Variants in COL7A1 observed in about 807,000 individuals in gnomAD.
The protein encoded by COL7A1 is collagen alpha-1(VII) chain.
In COL7A1, 296 loss-of-function variants were observed where a neutral mutation model predicts 456.2. The ratio of observed to expected loss-of-function variants is 0.65; its 90% CI spans 0.59 to 0.71. The LOEUF (loss-of-function observed/expected upper bound fraction) is 0.71. Ranked by LOEUF, COL7A1 falls within the 30% of genes least tolerant of loss-of-function variation. The pLI, the probability that COL7A1 is intolerant of heterozygous loss-of-function variation, is 0.00. For missense variants in COL7A1, 3,441 were observed against 4,017.2 expected, an observed-to-expected ratio of 0.86 and a Z score of 3.88; for synonymous variants, 1,464 against 1,525.9, an observed-to-expected ratio of 0.96 and a Z score of 0.95.
rs750445747 is a variant in COL7A1 at position 48,575,258 on chromosome 3, C to T, written c.6181-16G>A. 1.2e-5 allele frequency: 20 copies of T among 1,613,814 alleles called. No individual in the cohort carries two copies. Among genetic ancestry groups the T allele is most frequent in the East Asian group, 2.2e-5 (1 of 44,890 alleles). On this transcript the variant is annotated splice_polypyrimidine_tract_variant and intron_variant, in intron 74 of 118. Coordinates refer to ENST00000681320, the MANE Select transcript of COL7A1 (RefSeq NM_000094.4). The surrounding 1 kb of genome is among the most constrained non-coding windows in gnomAD (Gnocchi z 6.3). Reference sequence around the variant, plus strand: ...CCCGTTCTCCCTGAAATGCAAATAGCGGGTGAGGGCCAAGCCCATGGGGGG... The same window carrying T: ...CCCGTTCTCCCTGAAATGCAAATAGTGGGTGAGGGCCAAGCCCATGGGGGG...
rs980595912 is a variant in COL7A1 at position 48,590,990 on chromosome 3, T to C, written c.1637-174A>G. Among the ~76,000 whole-genome samples the C allele has an allele frequency of 7.9e-5, 12 of 151,446 alleles. No homozygotes were observed. The highest frequency in any genetic ancestry group is 1.8e-4 in the Non-Finnish European group (12 of 67,896). The stretch of plus-strand genomic sequence containing the variant: ...AAAAAGTGAGTGCAAGACAAGGACA[T>C]AGGATGAAAGGGGCCAGTGATGGTC... On this transcript the variant is annotated intron_variant, in intron 13 of 118. Coordinates refer to ENST00000681320, the MANE Select transcript of COL7A1 (RefSeq NM_000094.4). The surrounding 1 kb of genome is among the most constrained non-coding windows in gnomAD (Gnocchi z 4.6).
Position 48,567,279 on chromosome 3 carries a change from A to C in COL7A1, c.8047-89T>G. ...GAACTCCCATGAGCTCCCTGGCCTA[A>C]TGCCCAAACCTTCTGTAACCCAAGC... is the stretch of plus-strand genomic sequence containing the variant. On this transcript the variant is annotated intron_variant, in intron 109 of 118. Coordinates refer to ENST00000681320, the MANE Select transcript of COL7A1 (RefSeq NM_000094.4). This position sits in a 1 kb window ranked among gnomAD's most constrained non-coding sequence, Gnocchi z 4.3. The C allele has an allele frequency of 6.6e-7, 1 of 1,523,434 alleles. No homozygotes were observed. The highest frequency in any genetic ancestry group is 9.0e-7 in the Non-Finnish European group (1 of 1,106,024). The allele number at this position is 1,523,434 out of a possible 1,614,324, so 94.4% of individuals were successfully genotyped here.
Position 48,579,079 on chromosome 3 carries a change from C to A in COL7A1, c.5388+118G>T. ...GCAGGGCTCTGGGAGAAGACACAGA[C>A]AACAGGTCTCGCCCCAGAGCTCGTC... On this transcript the variant is annotated intron_variant, in intron 62 of 118. Transcript: ENST00000681320. This position sits in a 1 kb window ranked among gnomAD's most constrained non-coding sequence, Gnocchi z 4.4. 1.3e-6 allele frequency: 2 copies of A among 1,552,570 alleles called. No homozygotes were observed. The highest frequency in any genetic ancestry group is 1.8e-6 in the Non-Finnish European group (2 of 1,126,436).
At position 48,573,729 on chromosome 3, in the gene COL7A1, T is replaced by G; in HGVS notation, c.6538-4A>C. ...GTCCAGGGTCTCCATGACCACCCTG[T>G]TGTGGCGAAAAAGAGTCTGATGAGG... On this transcript the variant is annotated splice_polypyrimidine_tract_variant and splice_region_variant and intron_variant, in intron 81 of 118. Transcript: ENST00000681320. This position sits in a 1 kb window ranked among gnomAD's most constrained non-coding sequence, Gnocchi z 5.5. The G allele has an allele frequency of 6.2e-7, 1 of 1,613,390 alleles. No individual in the cohort carries two copies. The highest frequency in any genetic ancestry group is 2.2e-5 in the East Asian group (1 of 44,882).
chr3:48,584,815 T>G, intron 34 of COL7A1, 46 bp from the exon 35 acceptor site: 1 of 1,613,830 alleles, frequency 6.2e-7, no homozygotes, highest in Non-Finnish European at 8.5e-7. Context: ...CTCAGGCGAA[T>G]GTCAACGTGG....
rs752563213 is a variant in COL7A1 at position 48,592,937 on chromosome 3, C to A, written c.684G>T (p.Pro228=). The change falls in exon 7 of 119, where the codon CCG becomes CCT. Residue 228 remains proline, a splice_region_variant and synonymous_variant. Transcript: ENST00000681320. This position sits in a 1 kb window ranked among gnomAD's most constrained non-coding sequence, Gnocchi z 7.6. The stretch of plus-strand genomic sequence containing the variant: ...CTCGTGGAGCAGAGGTCGAGTCATC[C>A]GCTGGGAATGCGGGATCAGGGGATC... ...TAGGVPVTRP[P]DDSTSAPRDL... The A allele has an allele frequency of 2.0e-5, 33 of 1,613,520 alleles. No individual in the cohort carries two copies. The highest frequency in any genetic ancestry group is 2.8e-5 in the Non-Finnish European group (33 of 1,179,944).
Position 48,582,531 on chromosome 3 carries a change from G to T in COL7A1, c.4564-18C>A, listed in dbSNP as rs1459983267. 1.9e-6 allele frequency: 3 copies of T among 1,614,034 alleles called. No homozygotes were observed. The highest frequency in any genetic ancestry group is 2.5e-6 in the Non-Finnish European group (3 of 1,180,020). ...GGTGGCCCCTGAATGTAGAGAAAGT[G>T]TGAGCCCAGGAGGGGAAGGGAAAGG... On this transcript the variant is annotated intron_variant, in intron 45 of 118. Transcript: ENST00000681320.
rs146659822 is a variant in COL7A1 at position 48,584,049 on chromosome 3, C to T, written c.4210G>A (p.Asp1404Asn). ...PGTAMKGDKG[D>N]RGERGPPGPG... Reference sequence around the variant, plus strand: ...CCCTCACTTACCCGCTCCCCACGATCGCCTTTGTCACCCTAGAAAACAGAT... The same window carrying T: ...CCCTCACTTACCCGCTCCCCACGATTGCCTTTGTCACCCTAGAAAACAGAT... The change falls in exon 38 of 119, where the codon GAT (aspartate) becomes AAT (asparagine). Residue 1404 changes from aspartate to asparagine, a missense_variant. Physicochemically the swap from Asp to Asn is conservative, Grantham distance 23. Around this residue, in one of 3 missense-constraint regions of COL7A1, gnomAD observed 2,084 missense variants for 2,501.3 expected, o/e 0.83. Coordinates refer to ENST00000681320, the MANE Select transcript of COL7A1 (RefSeq NM_000094.4). 47 of 1,614,048 alleles carry T rather than the reference C, an allele frequency of 2.9e-5. No homozygotes were observed. The highest frequency in any genetic ancestry group is 1.6e-4 in the Middle Eastern group (1 of 6,084).
At position 48,578,290 on chromosome 3, in the gene COL7A1, G is replaced by A. The variant is rs200821820; in HGVS notation, c.5532+31C>T. ...TAGGTGTGCTGGCGTTTCTTGGCAG[G>A]TTTCGCCGCAGCTGCCCTGGACACA... is the stretch of plus-strand genomic sequence containing the variant. On this transcript the variant is annotated intron_variant, in intron 65 of 118. Coordinates refer to ENST00000681320, the MANE Select transcript of COL7A1 (RefSeq NM_000094.4). The surrounding 1 kb of genome is among the most constrained non-coding windows in gnomAD (Gnocchi z 4.7). 14 of 1,612,106 alleles carry A rather than the reference G, an allele frequency of 8.7e-6. No homozygotes were observed. Among genetic ancestry groups the A allele is most frequent in the Non-Finnish European group, 1.2e-5 (14 of 1,179,962 alleles).
Position 48,573,673 on chromosome 3 carries a change from G to A in COL7A1, c.6573+17C>T, listed in dbSNP as rs2044086329. On this transcript the variant is annotated intron_variant, in intron 82 of 118. Coordinates refer to ENST00000681320, the MANE Select transcript of COL7A1 (RefSeq NM_000094.4). The surrounding 1 kb of genome is among the most constrained non-coding windows in gnomAD (Gnocchi z 5.5). ...CCCTTCCAGACCCTCACCAGGCAGT[G>A]TTCCCTGGTCACTCACCGGGGCACC... is the stretch of plus-strand genomic sequence containing the variant. 2 of 1,612,738 alleles carry A rather than the reference G, an allele frequency of 1.2e-6. No homozygotes were observed. The highest frequency in any genetic ancestry group is 1.7e-6 in the Non-Finnish European group (2 of 1,179,354).
chr3:48,565,333 G>A lies in COL7A1; in HGVS notation c.8527+77C>T. On this transcript the variant is annotated intron_variant, in intron 116 of 118. Coordinates refer to ENST00000681320, the MANE Select transcript of COL7A1 (RefSeq NM_000094.4). This position sits in a 1 kb window ranked among gnomAD's most constrained non-coding sequence, Gnocchi z 4.5. The stretch of plus-strand genomic sequence containing the variant: ...CATGCAGACCCTACGTGCTTGGCGT[G>A]TGCCCTGCATTCATGGACACCCATG... 6.6e-7 allele frequency: 1 copy of A among 1,519,378 alleles called. No homozygotes were observed. The highest frequency in any genetic ancestry group is 1.2e-5 in the South Asian group (1 of 85,216). The allele number at this position is 1,519,378 out of a possible 1,614,324, so 94.1% of individuals were successfully genotyped here. A position where few individuals can be genotyped will look rare whatever the true frequency, so the allele number is the denominator to read the frequency against.
Position 48,587,993 on chromosome 3 carries a change from G to A in COL7A1, c.2711-54C>T. ...GAGCATGTGGGATAGTGACACCTGGGGGCATTAAAGGGCCTGCCCACTTCA... is the reference window on the plus strand; with the variant it reads ...GAGCATGTGGGATAGTGACACCTGGAGGCATTAAAGGGCCTGCCCACTTCA... On this transcript the variant is annotated intron_variant, in intron 21 of 118. Coordinates refer to ENST00000681320, the MANE Select transcript of COL7A1 (RefSeq NM_000094.4). This position sits in a 1 kb window ranked among gnomAD's most constrained non-coding sequence, Gnocchi z 6.1. 3 of 1,530,846 alleles carry A rather than the reference G, an allele frequency of 2.0e-6. No homozygotes were observed. Among genetic ancestry groups the A allele is most frequent in the Non-Finnish European group, 2.7e-6 (3 of 1,131,926 alleles). 94.8% of individuals were successfully genotyped at this position (1,530,846 alleles called of 1,614,324 possible).
chr3:48,591,738 C>A lies in COL7A1; in HGVS notation c.1442G>T (p.Arg481Leu). 6.2e-7 allele frequency: 1 copy of A among 1,614,100 alleles called. No individual in the cohort carries two copies. Among genetic ancestry groups the A allele is most frequent in the South Asian group, 1.1e-5 (1 of 91,084 alleles). ...CTCCAGCAGAGTGTAGAGTGTGAGG[C>A]GGTACTCAGTGCCCGGCTGCAGCCC... ...LDGLQPGTEY[R>L]LTLYTLLEGH... The change falls in exon 12 of 119, where the codon CGC becomes CTC. Residue 481 changes from arginine (R) to leucine (L), a missense_variant. Physicochemically the swap from Arg to Leu is moderately radical, Grantham distance 102. Coordinates refer to ENST00000681320, the MANE Select transcript of COL7A1 (RefSeq NM_000094.4). The surrounding 1 kb of genome is among the most constrained non-coding windows in gnomAD (Gnocchi z 7.0).
In COL7A1 at chr3:48,594,582, G is replaced by A; in HGVS notation, c.86-34C>T. ...GGCAGGAGAGATCAGGGCCTCTTCT[G>A]GGAGGCCAACCACCCGCCTACCCGC... is the stretch of plus-strand genomic sequence containing the variant. On this transcript the variant is annotated intron_variant, in intron 2 of 118. Coordinates refer to ENST00000681320, the MANE Select transcript of COL7A1 (RefSeq NM_000094.4). This position sits in a 1 kb window ranked among gnomAD's most constrained non-coding sequence, Gnocchi z 5.5. The A allele has an allele frequency of 6.5e-7, 1 of 1,548,352 alleles. No homozygotes were observed. The highest frequency in any genetic ancestry group is 8.7e-7 in the Non-Finnish European group (1 of 1,149,686).
At position 48,574,649 on chromosome 3, in the gene COL7A1, T is replaced by C; in HGVS notation, c.6393+28A>G. 1.2e-6 allele frequency: 2 copies of C among 1,613,902 alleles called. No individual in the cohort carries two copies. Among genetic ancestry groups the C allele is most frequent in the Non-Finnish European group, 8.5e-7 (1 of 1,179,982 alleles). On this transcript the variant is annotated intron_variant, in intron 78 of 118. Transcript: ENST00000681320. This position sits in a 1 kb window ranked among gnomAD's most constrained non-coding sequence, Gnocchi z 5.0. ...GTGTGCCCCCAGAAAGGAGGGGGACTCTATGGAAGGGTGGAGAGAGGCCTC... is the reference window on the plus strand; with the variant it reads ...GTGTGCCCCCAGAAAGGAGGGGGACCCTATGGAAGGGTGGAGAGAGGCCTC...
In COL7A1 at chr3:48,586,825, G is replaced by T. The variant is rs2045299153; in HGVS notation, c.3277-136C>A. 2 of 1,504,516 alleles carry T rather than the reference G, an allele frequency of 1.3e-6. No homozygotes were observed. Among genetic ancestry groups the T allele is most frequent in the Admixed American group, 4.0e-5 (2 of 50,490 alleles). 93.2% of individuals were successfully genotyped at this position (1,504,516 alleles called of 1,614,324 possible). A position where few individuals can be genotyped will look rare whatever the true frequency, so the allele number is the denominator to read the frequency against. ...GGAGTCAGCAGTGATGGCAGGATAGGGAGCCAGGCAGTAGGTGAGGTCTGG... is the reference window on the plus strand; with the variant it reads ...GGAGTCAGCAGTGATGGCAGGATAGTGAGCCAGGCAGTAGGTGAGGTCTGG... On this transcript the variant is annotated intron_variant, in intron 25 of 118. Coordinates refer to ENST00000681320, the MANE Select transcript of COL7A1 (RefSeq NM_000094.4). This position sits in a 1 kb window ranked among gnomAD's most constrained non-coding sequence, Gnocchi z 5.1.
In COL7A1 at chr3:48,581,529, C is replaced by A. The variant is rs947065516; in HGVS notation, c.4782+44G>T. On this transcript the variant is annotated intron_variant, in intron 50 of 118. Coordinates refer to ENST00000681320, the MANE Select transcript of COL7A1 (RefSeq NM_000094.4). The surrounding 1 kb of genome is among the most constrained non-coding windows in gnomAD (Gnocchi z 5.8). ...GCAGGACTTAGTCAGGGTCCCACCA[C>A]CTCATCTCCCTCTGTCACACTCCCC... is the stretch of plus-strand genomic sequence containing the variant. 7 of 1,614,016 alleles carry A rather than the reference C, an allele frequency of 4.3e-6. No homozygotes were observed. In the African/African-American group the frequency reaches 5.3e-5, roughly 12 times the overall value.
Position 48,583,574 on chromosome 3 carries a change from A to T in COL7A1, c.4383T>A (p.Pro1461=). 6.2e-7 allele frequency: 1 copy of T among 1,614,002 alleles called. No individual in the cohort carries two copies. Among genetic ancestry groups the T allele is most frequent in the Non-Finnish European group, 8.5e-7 (1 of 1,180,008 alleles). ...CACTCACCTGCTCACCCGGAGACCC[A>T]GGTTGTCCTGGGAGGCCTGGAGCTC... ...EDGAPGLPGQ[P]GSPGEQGPRG... is the part of the protein sequence containing the mutation. The change falls in exon 41 of 119, where the codon CCT becomes CCA. Residue 1461 remains proline (P), a synonymous_variant. Transcript: ENST00000681320. The surrounding 1 kb of genome is among the most constrained non-coding windows in gnomAD (Gnocchi z 5.1).
rs1349541188 is a variant in COL7A1 at position 48,588,293 on chromosome 3, C to T, written c.2699G>A (p.Trp900Ter). The change falls in exon 21 of 119, where the codon TGG (tryptophan) becomes TAG (stop). Residue 900 changes from tryptophan to a stop codon, truncating the protein, a stop_gained. Transcript: ENST00000681320. LOFTEE classifies it high-confidence loss of function. The surrounding 1 kb of genome is among the most constrained non-coding windows in gnomAD (Gnocchi z 4.6). ...VPRAQGFLLH[W>*]QPEGGQEQSR... ...GGGACACCTCTCACCCTCAGGTTGC[C>T]AGTGCAGAAGGAAGCCCTGCGCTCT... 2 of 1,613,044 alleles carry T rather than the reference C, an allele frequency of 1.2e-6. No individual in the cohort carries two copies. The highest frequency in any genetic ancestry group is 1.7e-5 in the Admixed American group (1 of 60,036).
Sources: gnomAD v4.1 joint callset for allele counts (sites outside exome capture counted in the v4.1 genomes callset) on GRCh38, gnomAD v4.1.1 for gene constraint, gnomAD v4.1.1 regional missense constraint, Gnocchi (gnomAD v3.1) non-coding constraint, MANE v1.5 for transcripts, NCBI Gene and HGNC (gene_info 2026-07-23, HGNC 2026-07-21) for gene names.